SYNPR: variants seen among roughly 807,000 people sequenced by gnomAD.
SYNPR encodes synaptoporin.
In SYNPR, 23 loss-of-function variants were observed where a neutral mutation model predicts 32.9. The observed-to-expected ratio is 0.70, with a 90% CI of 0.50 to 0.99. The LOEUF (loss-of-function observed/expected upper bound fraction) is 0.99, where lower values mean the gene tolerates loss of function less well. Among genes scored for constraint, SYNPR ranks in the 50% least tolerant of loss-of-function variants. The probability of loss-of-function intolerance (pLI) is 0.00; values close to 1 mark genes in which losing one functional copy is unlikely to be tolerated. For missense variants in SYNPR, 318 were observed against 349.3 expected (o/e 0.91, Z 0.71); for synonymous variants, 146 against 135.9 (o/e 1.07, Z -0.52).
chr3:63,429,146 C>G (rs924735177), intron 2 of SYNPR, among the ~76,000 whole-genome samples: 2 of 152,068 alleles, frequency 1.3e-5, no homozygotes, highest in African/African-American at 4.8e-5. Context: ...TGGTTATAAT[C>G]CTGCCGGTGT....
intron 4 of SYNPR, among the ~76,000 whole-genome samples, chr3:63,559,210 G>A (rs1702643831): frequency 6.6e-6 from 1 of 151,546 alleles, no homozygotes; most frequent in Non-Finnish European, 1.5e-5. Context: ...CAAGTAGCAG[G>A]GACTATAGGC....
intron 3 of SYNPR, among the ~76,000 whole-genome samples, chr3:63,555,197 TA>T (rs1702574183): frequency 6.6e-6 from 1 of 151,754 alleles, no homozygotes; most frequent in South Asian, 2.1e-4. Flanking sequence ...GGATGCCTTT[TA>T]TTTTTTTCAC....
At chr3:63,254,767 T>G (rs924756124) in intron 2 of SYNPR, among the ~76,000 whole-genome samples, 1 of 152,222 alleles carries the variant, frequency 6.6e-6, no homozygotes, top group African/African-American at 2.4e-5. Context: ...GGAATGTATT[T>G]GGACACAGAG....
At chr3:63,394,289 C>A (rs1024753778) in intron 2 of SYNPR, among the ~76,000 whole-genome samples, 6 of 152,124 alleles carry the variant, frequency 3.9e-5, no homozygotes, top group African/African-American at 1.2e-4. Context: ...GTTCTATTTT[C>A]TGCTCATTCT....
chr3:63,598,233 G>C (rs192658381), intron 4 of SYNPR, among the ~76,000 whole-genome samples: 12 of 152,322 alleles, frequency 7.9e-5, no homozygotes, highest in Admixed American at 7.2e-4. Context: ...GCCACTATTA[G>C]AAAGAGATGG....
Position 63,408,228 on chromosome 3 carries a change from GGAAA to G in SYNPR, c.85-72557_85-72554del, listed in dbSNP as rs1163628616. On this transcript the variant is annotated intron_variant, in intron 2 of 5. Transcript: ENST00000478300. Reference sequence around the variant, plus strand: ...AGGAAGGAAGGAAGGAAGGAAGGAAGGAAAGAAAGAAAGAAAGAAAGAAAGAAAG... The same window carrying G: ...AGGAAGGAAGGAAGGAAGGAAGGAAGGAAAGAAAGAAAGAAAGAAAGAAAG... Among the ~76,000 whole-genome samples, 173 of 25,992 alleles carry G rather than the reference GGAAA, an allele frequency of 6.7e-3. 9 individuals carry two copies. Among genetic ancestry groups the G allele is most frequent in the Non-Finnish European group, 8.1e-3 (121 of 14,924 alleles). 17.1% of individuals were successfully genotyped at this position (25,992 alleles called of 152,430 possible). A position where few individuals can be genotyped will look rare whatever the true frequency, so the allele number is the denominator to read the frequency against.
intron 3 of SYNPR, among the ~76,000 whole-genome samples, chr3:63,528,062 A>G (rs541581784): frequency 3.5e-4 from 54 of 152,280 alleles, no homozygotes; most frequent in African/African-American, 1.1e-3. Flanking sequence ...TTCATATCTG[A>G]TTTTGAGAAA....
intron 3 of SYNPR, among the ~76,000 whole-genome samples, chr3:63,554,024 A>G (rs6774741): frequency 0.2 from 29,813 of 152,124 alleles, 3,000 homozygotes; most frequent in Non-Finnish European, 0.21. Flanking sequence ...GCCCAGCCCT[A>G]TGTCTTTTTT....
At chr3:63,408,313 AAG>A (rs1227197229) in intron 2 of SYNPR, among the ~76,000 whole-genome samples, 11 of 122,524 alleles carry the variant, frequency 9.0e-5, no homozygotes, top group Middle Eastern at 3.7e-3. Flanking sequence ...GGAAGGAAGG[AAG>A]GAAGGAAAGA....
chr3:63,426,050 G>T (rs1699887959), intron 2 of SYNPR, among the ~76,000 whole-genome samples: 1 of 152,084 alleles, frequency 6.6e-6, no homozygotes, highest in African/African-American at 2.4e-5. Context: ...CTCCCAAAGT[G>T]CTGGAATTAC....
Position 63,482,047 on chromosome 3 carries a change from A to C in SYNPR, c.209+1091A>C, listed in dbSNP as rs186837328. Among the ~76,000 whole-genome samples, 166 of 152,266 alleles carry C rather than the reference A, an allele frequency of 1.1e-3. 1 individual carries two copies. The highest frequency in any genetic ancestry group is 3.5e-3 in the African/African-American group (144 of 41,562). On this transcript the variant is annotated intron_variant, in intron 3 of 5. Transcript: ENST00000478300. ...GCCCAGGACTCTCAGTCTTTTCCTC[A>C]AACTGGAGGAGAGTAATCAAGAGAC...
chr3:63,263,869 A>T (rs1320490803), intron 2 of SYNPR, among the ~76,000 whole-genome samples: 1 of 152,186 alleles, frequency 6.6e-6, no homozygotes, highest in African/African-American at 2.4e-5. Context: ...GCCCAGATTA[A>T]ATAGGAAAAG....
chr3:63,605,434 T>C (rs1224301991), intron 4 of SYNPR, among the ~76,000 whole-genome samples: 1 of 152,236 alleles, frequency 6.6e-6, no homozygotes, highest in African/African-American at 2.4e-5. Flanking sequence ...CTGGCCTGTG[T>C]GCAAAGGTTT....
chr3:63,400,236 G>T (rs34468813), intron 2 of SYNPR, among the ~76,000 whole-genome samples: 1 of 152,048 alleles, frequency 6.6e-6, no homozygotes, highest in Non-Finnish European at 1.5e-5. Context: ...CTATTGGTGC[G>T]TGACAAAATA....
At chr3:63,280,382 C>T (rs773573614) in intron 2 of SYNPR, among the ~76,000 whole-genome samples, 1 of 152,092 alleles carries the variant, frequency 6.6e-6, no homozygotes, top group African/African-American at 2.4e-5. Flanking sequence ...CTGCGTAACT[C>T]TTATCCATGT....
chr3:63,609,813 G>A (rs1193150746), intron 5 of SYNPR, among the ~76,000 whole-genome samples: 1 of 152,168 alleles, frequency 6.6e-6, no homozygotes, highest in Non-Finnish European at 1.5e-5. Flanking sequence ...GGAAGGCTGA[G>A]GCATGAGAAT....
chr3:63,351,558 T>C (rs1426606280), intron 2 of SYNPR: 1 of 152,070 alleles, frequency 6.6e-6, no homozygotes, highest in Non-Finnish European at 1.5e-5. Context: ...GAGATCAAAT[T>C]TGGGAGCAGT....
At chr3:63,553,033 A>G (rs1306486291) in intron 3 of SYNPR, among the ~76,000 whole-genome samples, 2 of 152,018 alleles carry the variant, frequency 1.3e-5, no homozygotes, top group Non-Finnish European at 2.9e-5. Flanking sequence ...ACATGGGAAT[A>G]TTGCACCCAG....
chr3:63,555,962 A>G lies in SYNPR; in HGVS notation c.210-581A>G, dbSNP rs555206404. On this transcript the variant is annotated intron_variant, in intron 3 of 5. Coordinates refer to ENST00000478300, the MANE Select transcript of SYNPR (RefSeq NM_001130003.2). ...GCTCCTTTTGATTAATGGCAGGAAA[A>G]GGCTCTCATCTCTCAGGAGATGTTG... is the stretch of plus-strand genomic sequence containing the variant. 4.6e-5 allele frequency among the ~76,000 whole-genome samples: 7 copies of G among 152,326 alleles called. No homozygotes were observed. In the South Asian group the frequency reaches 1.2e-3, roughly 27 times the overall value.
Sources: gnomAD v4.1 joint callset for allele counts (sites outside exome capture counted in the v4.1 genomes callset) on GRCh38, gnomAD v4.1.1 for gene constraint, MANE v1.5 for transcripts, NCBI Gene and HGNC (gene_info 2026-07-23, HGNC 2026-07-21) for gene names.